The following ZC3H12B variants were observed in gnomAD, a reference collection of about 807,000 sequenced individuals.
ZC3H12B encodes probable ribonuclease ZC3H12B.
Under a neutral mutation model 43.9 loss-of-function variants are expected in ZC3H12B, and 7 were observed. The observed-to-expected ratio is 0.16, with a 90% CI of 0.09 to 0.30. The LOEUF is 0.30. Ranked by LOEUF, ZC3H12B falls within the 10% of genes least tolerant of loss-of-function variation. The pLI is 1.00. For missense variants in ZC3H12B, 475 were observed against 670.2 expected, an observed-to-expected ratio of 0.71 and a Z score of 3.22; for synonymous variants, 222 against 241.7, an observed-to-expected ratio of 0.92 and a Z score of 0.76.
At chrX:65,469,808 T>A (rs2067882599) in intron 3 of ZC3H12B, 1 of 112,228 alleles carries the variant, frequency 8.9e-6, no homozygotes, top group African/African-American at 3.3e-5. Flanking sequence ...CCGTCTCTAC[T>A]AAAAATACAA....
At chrX:65,266,590 G>A in the ZC3H12B span, among the ~76,000 whole-genome samples, 3 of 111,778 alleles carry the variant, frequency 2.7e-5, no homozygotes, top group Non-Finnish European at 3.8e-5. Flanking sequence ...GTAAAGGAGC[G>A]CTATGGAATG....
At chrX:65,079,343 A>G in the ZC3H12B span, among the ~76,000 whole-genome samples, 1 of 112,361 alleles carries the variant, frequency 8.9e-6, no homozygotes, top group Non-Finnish European at 1.9e-5. Context: ...TTGCTTTGCC[A>G]CCTTCTGATT....
At chrX:65,082,544 C>T in the ZC3H12B span, among the ~76,000 whole-genome samples, 1 of 111,158 alleles carries the variant, frequency 9.0e-6, no homozygotes, top group African/African-American at 3.3e-5. Context: ...ACACATACAA[C>T]TTATCCACTT....
chrX:65,411,371 G>C (rs2066901174), intron 3 of ZC3H12B, among the ~76,000 whole-genome samples: 1 of 111,907 alleles, frequency 8.9e-6, no homozygotes, highest in South Asian at 3.7e-4. Flanking sequence ...CATACTATTT[G>C]ACCACACGGA....
At chrX:65,087,237 G>C in the ZC3H12B span, among the ~76,000 whole-genome samples, 1 of 111,231 alleles carries the variant, frequency 9.0e-6, no homozygotes, top group East Asian at 2.8e-4. Flanking sequence ...TCAGGGCACT[G>C]ACACCCTATG....
chrX:65,364,443 C>T (rs942241806), upstream of ZC3H12B, among the ~76,000 whole-genome samples: 1 of 108,826 alleles, frequency 9.2e-6, no homozygotes, highest in African/African-American at 3.4e-5. Context: ...TCATTCACTG[C>T]AAGGGCCATC....
intron 3 of ZC3H12B, among the ~76,000 whole-genome samples, chrX:65,456,314 G>A (rs1187017579): frequency 7.3e-5 from 8 of 109,444 alleles, no homozygotes; most frequent in Non-Finnish European, 1.5e-4. Flanking sequence ...CAAAAAAAAG[G>A]CAGGGGTTGC....
the ZC3H12B span, among the ~76,000 whole-genome samples, chrX:65,161,208 G>A: frequency 9.0e-6 from 1 of 111,273 alleles, no homozygotes; most frequent in East Asian, 2.8e-4. Context: ...GAATAGGTAT[G>A]GTGTGATGCT....
At chrX:65,201,165 G>A in the ZC3H12B span, among the ~76,000 whole-genome samples, 1 of 111,402 alleles carries the variant, frequency 9.0e-6, no homozygotes, top group Middle Eastern at 4.2e-3. Context: ...GAATCCTTGT[G>A]GTCCTGGGCT....
At chrX:65,397,057 A>G (rs1306098790) in intron 2 of ZC3H12B, among the ~76,000 whole-genome samples, 3 of 111,251 alleles carry the variant, frequency 2.7e-5, no homozygotes, top group African/African-American at 9.8e-5. Context: ...TTGCTTGGTA[A>G]ATATTCCTCC....
intron 2 of ZC3H12B, among the ~76,000 whole-genome samples, chrX:65,396,563 A>G (rs184890567): frequency 1.2e-3 from 120 of 103,730 alleles, no homozygotes; most frequent in African/African-American, 4.2e-3. Context: ...TTATAATTTC[A>G]GGTTTTTTGT....
chrX:65,175,041 C>T, the ZC3H12B span, among the ~76,000 whole-genome samples: 3 of 112,315 alleles, frequency 2.7e-5, no homozygotes, highest in South Asian at 1.1e-3. Context: ...ATGAGGGAAT[C>T]TTCTGGTCTT....
At position 65,448,877 on chromosome X, in the gene ZC3H12B, GAAAT is replaced by G. The variant is rs796519682; in HGVS notation, n.408-39761_408-39758del. ...GAAAGAAGGGAGGAAGGGAGGGAGG[GAAAT>G]AAATAAAGAAAGAAAGAGAGAGAGA... On this transcript the variant is annotated intron_variant and non_coding_transcript_variant, in intron 3 of 5. Coordinates refer to the ZC3H12B transcript ENST00000617377. Among the ~76,000 whole-genome samples the G allele has an allele frequency of 5.1e-4, 48 of 94,695 alleles. No individual in the cohort carries two copies. In the South Asian group the frequency reaches 7.0e-3, roughly 14 times the overall value. The allele number at this position is 94,695 out of a possible 115,157, so 82.2% of individuals were successfully genotyped here.
At chrX:65,183,162 A>G in the ZC3H12B span, among the ~76,000 whole-genome samples, 1 of 111,983 alleles carries the variant, frequency 8.9e-6, no homozygotes, top group African/African-American at 3.2e-5. Flanking sequence ...GCAAAGACAT[A>G]TAATCAATCT....
chrX:65,228,902 G>A, the ZC3H12B span, among the ~76,000 whole-genome samples: 1 of 111,855 alleles, frequency 8.9e-6, no homozygotes, highest in African/African-American at 3.2e-5. Context: ...ACAAATGGAA[G>A]AACATTCCAT....
chrX:65,180,415 C>A, the ZC3H12B span, among the ~76,000 whole-genome samples: 2 of 110,967 alleles, frequency 1.8e-5, no homozygotes, highest in Non-Finnish European at 3.8e-5. Context: ...ATGGACAAAA[C>A]CTGGAAGCAT....
At chrX:65,164,036 CTG>C in the ZC3H12B span, among the ~76,000 whole-genome samples, 2 of 111,986 alleles carry the variant, frequency 1.8e-5, no homozygotes, top group East Asian at 5.6e-4. Context: ...TCTTTGCTCA[CTG>C]CCCTGAAAAA....
At chrX:65,383,762 A>G (rs1267729829) in intron 2 of ZC3H12B, among the ~76,000 whole-genome samples, 1 of 111,960 alleles carries the variant, frequency 8.9e-6, no homozygotes, top group Non-Finnish European at 1.9e-5. Flanking sequence ...TACAAGAAAA[A>G]AAACAAACAA....
chrX:65,157,779 A>G, the ZC3H12B span, among the ~76,000 whole-genome samples: 1 of 104,563 alleles, frequency 9.6e-6, no homozygotes, highest in Non-Finnish European at 1.9e-5. Context: ...TTTTTATTTT[A>G]TTATTATTAT....
Sources: allele counts gnomAD v4.1 joint callset (sites outside exome capture counted in the v4.1 genomes callset), GRCh38; gene constraint gnomAD v4.1.1; transcripts MANE v1.5; gene names NCBI Gene and HGNC (gene_info 2026-07-23, HGNC 2026-07-21).